The following UIMC1 variants were observed in gnomAD, a reference collection of about 807,000 sequenced individuals.
The protein encoded by UIMC1 is BRCA1-A complex subunit RAP80.
Under a neutral mutation model 84.9 loss-of-function variants are expected in UIMC1, and 42 were observed. That is an observed-to-expected ratio of 0.49 (90% CI 0.39 to 0.64). UIMC1 has a LOEUF of 0.64. Among genes scored for constraint, UIMC1 ranks in the 30% least tolerant of loss-of-function variants. The probability of loss-of-function intolerance (pLI) is 0.00; values close to 1 mark genes in which losing one functional copy is unlikely to be tolerated. For synonymous variants in UIMC1, 281 were observed against 293.0 expected (o/e 0.96, Z 0.42); for missense variants, 825 against 847.6 (o/e 0.97, Z 0.33).
intron 1 of UIMC1, among the ~76,000 whole-genome samples, chr5:177,015,432 G>A (rs965742912): frequency 2.0e-5 from 3 of 152,180 alleles, no homozygotes; most frequent in Admixed American, 2.0e-4. Flanking sequence ...ATCTGTTGCA[G>A]CTGGACTCTC....
chr5:176,994,510 TAAAAAAAA>T (rs58699518), intron 1 of UIMC1, among the ~76,000 whole-genome samples: 2 of 138,350 alleles, frequency 1.4e-5, no homozygotes, highest in Non-Finnish European at 3.1e-5. Flanking sequence ...GCAGTTTCTT[TAAAAAAAA>T]AAAAAAAAAA....
At chr5:176,969,413 C>A in intron 5 of UIMC1, 122 bp from the exon 6 acceptor site, 2 of 1,429,670 alleles carry the variant, frequency 1.4e-6, no homozygotes, top group Non-Finnish European at 1.9e-6. Context: ...TGGGTTTAAC[C>A]AAATGTTGGT....
chr5:176,956,670 A>G (rs1184319159), intron 7 of UIMC1, among the ~76,000 whole-genome samples: 1 of 152,012 alleles, frequency 6.6e-6, no homozygotes, highest in African/African-American at 2.4e-5. Context: ...TTCCTGACAT[A>G]GGAATACATG....
chr5:176,932,702 A>C (rs1212393690), intron 10 of UIMC1, among the ~76,000 whole-genome samples: 1 of 152,162 alleles, frequency 6.6e-6, no homozygotes, highest in Non-Finnish European at 1.5e-5. Context: ...CAGTGGAAGA[A>C]GGTACCTTTT....
At chr5:176,944,741 G>A (rs542225930) in intron 9 of UIMC1, among the ~76,000 whole-genome samples, 247 of 152,328 alleles carry the variant, frequency 1.6e-3, no homozygotes, top group African/African-American at 5.7e-3. Flanking sequence ...ATCCAGCAGA[G>A]ATGAAAACAG....
At chr5:176,985,575 T>C (rs1771858301) in intron 1 of UIMC1, among the ~76,000 whole-genome samples, 1 of 152,200 alleles carries the variant, frequency 6.6e-6, no homozygotes, top group Non-Finnish European at 1.5e-5. Flanking sequence ...GATAATTGCT[T>C]TTCTTGACTA....
chr5:176,908,558 C>T lies in UIMC1; in HGVS notation c.1813G>A (p.Glu605Lys), dbSNP rs371337363. 2 of 1,613,968 alleles carry T rather than the reference C, an allele frequency of 1.2e-6. No homozygotes were observed. The highest frequency in any genetic ancestry group is 2.7e-5 in the African/African-American group (2 of 74,912). ...TTCAGCCTCTGCTGCCACTTCCCCT[C>T]CACAGTTGAACATGCTCTTCCACTC... ...EGSGRACSTV[E>K]GKWQQRLKNP... The change falls in exon 12 of 15, where the codon GAG (glutamate) becomes AAG (lysine). Residue 605 changes from glutamate (E) to lysine (K), a missense_variant. Transcript: ENST00000511320.
intron 8 of UIMC1, 108 bp from the exon 9 acceptor site, chr5:176,951,685 T>G (rs910953558): frequency 1.4e-6 from 1 of 705,410 alleles, no homozygotes; most frequent in Non-Finnish European, 2.3e-6. Context: ...GACAATACTG[T>G]GGTGGCAATA....
intron 10 of UIMC1, among the ~76,000 whole-genome samples, chr5:176,927,717 C>T (rs917933429): frequency 6.6e-6 from 1 of 151,834 alleles, no homozygotes; most frequent in African/African-American, 2.4e-5. Flanking sequence ...TAGTTAACTA[C>T]AGAGGACATT....
chr5:176,995,364 C>T (rs1439976630), intron 1 of UIMC1, among the ~76,000 whole-genome samples: 1 of 151,564 alleles, frequency 6.6e-6, no homozygotes, highest in Non-Finnish European at 1.5e-5. Context: ...GCCTGGCCAA[C>T]ACAGTGAAAC....
chr5:176,920,974 T>G (rs193272329), intron 10 of UIMC1, among the ~76,000 whole-genome samples: 230 of 152,366 alleles, frequency 1.5e-3, no homozygotes, highest in African/African-American at 5.2e-3. Context: ...TTGCTGAGTA[T>G]TTTATTGTCA....
At chr5:176,951,294 T>C (rs1279778182) in intron 9 of UIMC1, among the ~76,000 whole-genome samples, 180 bp downstream of exon 9, 3 of 152,196 alleles carry the variant, frequency 2.0e-5, no homozygotes, top group East Asian at 1.9e-4. Context: ...GTAACTACTG[T>C]TATTTTTAGA....
intron 12 of UIMC1, among the ~76,000 whole-genome samples, chr5:176,907,632 T>C (rs1188980069): frequency 6.6e-6 from 1 of 152,178 alleles, no homozygotes; most frequent in East Asian, 1.9e-4. Flanking sequence ...ATCTTTCATC[T>C]CTAAGCCAAG....
At chr5:177,011,590 GTAATAA>G (rs139175347), upstream of UIMC1, among the ~76,000 whole-genome samples, 952 of 150,648 alleles carry the variant, frequency 6.3e-3, 7 homozygotes, top group African/African-American at 0.022. Context: ...CTTTAAAAAA[GTAATAA>G]TAATAATAAT....
At chr5:176,923,863 CAAAA>C (rs374892150) in intron 10 of UIMC1, among the ~76,000 whole-genome samples, 10 of 95,180 alleles carry the variant, frequency 1.1e-4, no homozygotes, top group African/African-American at 3.4e-4. Flanking sequence ...GACTCTGTCT[CAAAA>C]AAAAAAAATA....
At chr5:176,907,807 T>C (rs1480738856) in intron 12 of UIMC1, among the ~76,000 whole-genome samples, 1 of 152,166 alleles carries the variant, frequency 6.6e-6, no homozygotes, top group Non-Finnish European at 1.5e-5. Flanking sequence ...GGAAAGCAAT[T>C]TGGCAGGTTT....
At chr5:177,007,396 A>G (rs1775398691), upstream of UIMC1, among the ~76,000 whole-genome samples, 1 of 151,938 alleles carries the variant, frequency 6.6e-6, no homozygotes, top group African/African-American at 2.4e-5. Flanking sequence ...AGACACTCCT[A>G]CAGGTGTGCA....
chr5:176,977,603 GA>G (rs1180404200), intron 2 of UIMC1, among the ~76,000 whole-genome samples: 75 of 115,618 alleles, frequency 6.5e-4, no homozygotes, highest in Admixed American at 1.4e-3. Context: ...AAAAAGAAAA[GA>G]AAAAAAAAAA....
intron 3 of UIMC1, 64 bp from the exon 4 acceptor site, chr5:176,970,930 GA>G (rs1458084307): frequency 6.4e-7 from 1 of 1,566,620 alleles, no homozygotes; most frequent in Non-Finnish European, 8.6e-7. Context: ...ATGGAGGCAA[GA>G]AAGAGAATTA....
Sources: allele counts gnomAD v4.1 joint callset (sites outside exome capture counted in the v4.1 genomes callset), GRCh38; gene constraint gnomAD v4.1.1; transcripts MANE v1.5; gene names NCBI Gene and HGNC (gene_info 2026-07-23, HGNC 2026-07-21).